Variants in SACM1L observed in about 807,000 individuals in gnomAD.
SACM1L encodes the protein SAC1 like phosphatidylinositide phosphatase.
A neutral mutation model predicts 89.5 loss-of-function variants in SACM1L; 32 were observed. The observed-to-expected ratio is 0.36, with a 90% CI of 0.27 to 0.48. The LOEUF (loss-of-function observed/expected upper bound fraction) is 0.48. Ranked by LOEUF, SACM1L falls within the 20% of genes least tolerant of loss-of-function variation. The pLI, the probability that SACM1L is intolerant of heterozygous loss-of-function variation, is 0.99. For missense variants in SACM1L, 543 were observed against 708.5 expected, an observed-to-expected ratio of 0.77 and a Z score of 2.65; for synonymous variants, 213 against 232.8, an observed-to-expected ratio of 0.92 and a Z score of 0.77.
At chr3:45,732,183 G>A (rs750876166) in intron 13 of SACM1L, 32 bp downstream of exon 13, 2 of 1,327,134 alleles carry the variant, frequency 1.5e-6, no homozygotes, top group East Asian at 4.7e-5. Flanking sequence ...AGGAGGTAGA[G>A]GGAAGAGGTA....
At chr3:45,727,643 G>A (rs137974489) in intron 11 of SACM1L, among the ~76,000 whole-genome samples, 3,621 of 152,124 alleles carry the variant, frequency 0.024, 143 homozygotes, top group African/African-American at 0.083. Context: ...TTTGGAGATG[G>A]TGTCTCACTC....
At chr3:45,717,721 T>C (rs971263401) in intron 7 of SACM1L, among the ~76,000 whole-genome samples, 3 of 152,346 alleles carry the variant, frequency 2.0e-5, no homozygotes, top group East Asian at 1.9e-4. Flanking sequence ...CATACCCCCC[T>C]GCTCCCCAGC....
chr3:45,713,348 G>A (rs1698570019), intron 6 of SACM1L, 152 bp downstream of exon 6: 2 of 558,022 alleles, frequency 3.6e-6, no homozygotes, highest in Non-Finnish European at 6.2e-6. Flanking sequence ...GGTCTACCCT[G>A]TCACATCATT....
At chr3:45,705,322 T>C in intron 3 of SACM1L, 113 bp downstream of exon 3, 1 of 548,676 alleles carries the variant, frequency 1.8e-6, no homozygotes, top group South Asian at 3.1e-5. Context: ...CTTTAAGCAG[T>C]AAATCTCTTG....
intron 6 of SACM1L, 103 bp from the exon 7 acceptor site, chr3:45,713,943 A>G: frequency 1.9e-6 from 1 of 535,474 alleles, no homozygotes; most frequent in South Asian, 4.2e-5. Context: ...TAAGTTTACT[A>G]CCTTGTTATG....
At chr3:45,743,160 GTTA>G (rs1015499301) in intron 19 of SACM1L, among the ~76,000 whole-genome samples, 1 of 152,050 alleles carries the variant, frequency 6.6e-6, no homozygotes, top group African/African-American at 2.4e-5. Flanking sequence ...AAACTTAATA[GTTA>G]TTTGTATTAT....
At chr3:45,710,480 A>G (rs1393567995) in intron 5 of SACM1L, among the ~76,000 whole-genome samples, 1 of 146,464 alleles carries the variant, frequency 6.8e-6, no homozygotes, top group Non-Finnish European at 1.5e-5. Context: ...GGCGTGAGCC[A>G]CTGTGCCTGC....
chr3:45,719,265 A>G (rs545354228), intron 7 of SACM1L, among the ~76,000 whole-genome samples: 1 of 152,346 alleles, frequency 6.6e-6, no homozygotes, highest in South Asian at 2.1e-4. Flanking sequence ...TATCATTTAA[A>G]TAAAAACACC....
At chr3:45,709,400 A>C (rs1698471175) in intron 4 of SACM1L, 98 bp from the exon 5 acceptor site, 1 of 1,086,466 alleles carries the variant, frequency 9.2e-7, no homozygotes, top group Admixed American at 2.5e-5. Flanking sequence ...AGTAGTCTTT[A>C]ATGAGACTGG....
chr3:45,712,898 A>G (rs1698560918), intron 5 of SACM1L, among the ~76,000 whole-genome samples: 1 of 152,184 alleles, frequency 6.6e-6, no homozygotes, highest in Non-Finnish European at 1.5e-5. Flanking sequence ...GTACTTGACA[A>G]TTAAATGTAA....
At chr3:45,719,160 A>G (rs1216493019) in intron 7 of SACM1L, among the ~76,000 whole-genome samples, 1 of 152,068 alleles carries the variant, frequency 6.6e-6, no homozygotes, top group Non-Finnish European at 1.5e-5. Context: ...AATCTATTTT[A>G]AATTTATGTT....
At chr3:45,737,932 A>G in intron 16 of SACM1L, 88 bp downstream of exon 16, 1 of 1,041,358 alleles carries the variant, frequency 9.6e-7, no homozygotes, top group Non-Finnish European at 1.5e-6. Flanking sequence ...TTCAGACAGC[A>G]GCAGCAACAA....
Position 45,689,418 on chromosome 3 carries a change from C to T in SACM1L, c.-48C>T, listed in dbSNP as rs769279093. ...GGTAGAGTTGTAGCCGAGGTGGCGG[C>T]GCGGGGCGGGGCGGGCGGAGAGAGA... is the stretch of plus-strand genomic sequence containing the variant. On this transcript the variant is annotated 5_prime_UTR_variant, in exon 1 of 20. Transcript: ENST00000389061. The T allele has an allele frequency of 1.3e-6, 2 of 1,557,360 alleles. No homozygotes were observed. The highest frequency in any genetic ancestry group is 1.7e-6 in the Non-Finnish European group (2 of 1,151,090).
At chr3:45,729,458 C>T (rs1198737932) in intron 11 of SACM1L, among the ~76,000 whole-genome samples, 1 of 152,154 alleles carries the variant, frequency 6.6e-6, no homozygotes, top group Non-Finnish European at 1.5e-5. Flanking sequence ...CTGAAGGACT[C>T]CCTTTAGCAT....
chr3:45,717,742 C>T (rs1015824945), intron 7 of SACM1L, among the ~76,000 whole-genome samples: 1 of 152,164 alleles, frequency 6.6e-6, no homozygotes, highest in Non-Finnish European at 1.5e-5. Flanking sequence ...CACAGTGTGG[C>T]ATACATTAAA....
chr3:45,707,924 C>T (rs941360697), intron 4 of SACM1L, among the ~76,000 whole-genome samples: 16 of 151,774 alleles, frequency 1.1e-4, no homozygotes, highest in African/African-American at 3.9e-4. Flanking sequence ...TTTTTATTCT[C>T]GGTGTTTCTA....
At chr3:45,726,411 A>G (rs1478882709) in intron 11 of SACM1L, among the ~76,000 whole-genome samples, 1 of 150,626 alleles carries the variant, frequency 6.6e-6, no homozygotes, top group Non-Finnish European at 1.5e-5. Flanking sequence ...GTATTGGTCT[A>G]TTTAGATTTT....
At chr3:45,727,353 T>G (rs1026418207) in intron 11 of SACM1L, among the ~76,000 whole-genome samples, 1 of 152,194 alleles carries the variant, frequency 6.6e-6, no homozygotes, top group Non-Finnish European at 1.5e-5. Context: ...TTTTTAGCTT[T>G]CTGTTGTGAT....
At chr3:45,707,130 G>A in intron 4 of SACM1L, 1 of 373,214 alleles carries the variant, frequency 2.7e-6, no homozygotes. Context: ...CTTAAATTAT[G>A]CAATTTCATA....
Sources: allele counts gnomAD v4.1 joint callset (sites outside exome capture counted in the v4.1 genomes callset), GRCh38; gene constraint gnomAD v4.1.1; transcripts MANE v1.5; gene names NCBI Gene and HGNC (gene_info 2026-07-23, HGNC 2026-07-21).